Variants in GYPC observed in about 807,000 individuals in gnomAD.
GYPC encodes the protein glycophorin C (Gerbich blood group).
In GYPC, 14 loss-of-function variants were observed where a neutral mutation model predicts 12.6. The observed-to-expected ratio is 1.11, with a 90% confidence interval of 0.74 to 1.74. GYPC has a LOEUF of 1.74. Ranked by LOEUF, GYPC falls within the 40% of genes most tolerant of loss-of-function variation. The pLI is 0.00. For synonymous variants in GYPC, 78 were observed against 62.1 expected, an observed-to-expected ratio of 1.26 and a Z score of -1.20; for missense variants, 225 against 172.1, an observed-to-expected ratio of 1.31 and a Z score of -1.72.
intron 1 of GYPC, among the ~76,000 whole-genome samples, chr2:126,671,672 A>C (rs1055767667): frequency 6.6e-6 from 1 of 152,208 alleles, no homozygotes. Context: ...CTCAGATTCC[A>C]CAAATGGTCA....
At chr2:126,692,458 A>C (rs181097599) in intron 2 of GYPC, among the ~76,000 whole-genome samples, 1 of 152,314 alleles carries the variant, frequency 6.6e-6, no homozygotes, top group African/African-American at 2.4e-5. Flanking sequence ...TCATAGCACT[A>C]TAATTAAAGT....
At chr2:126,659,837 A>C (rs1682483866) in intron 1 of GYPC, among the ~76,000 whole-genome samples, 1 of 138,510 alleles carries the variant, frequency 7.2e-6, no homozygotes, top group East Asian at 2.1e-4. Flanking sequence ...GCTGGAGTGC[A>C]GTGGTGTGAT....
chr2:126,687,594 T>C (rs1683327133), intron 1 of GYPC, among the ~76,000 whole-genome samples: 1 of 152,168 alleles, frequency 6.6e-6, no homozygotes, highest in Admixed American at 6.5e-5. Context: ...GAAACATGTG[T>C]AAATTCAGCT....
chr2:126,686,475 C>A (rs1683292580), intron 1 of GYPC: 1 of 985,418 alleles, frequency 1.0e-6, no homozygotes, highest in Non-Finnish European at 1.2e-6. Context: ...TGAAAAGCCA[C>A]TCCCAACTCC....
At chr2:126,672,838 T>C (rs1682887743) in intron 1 of GYPC, among the ~76,000 whole-genome samples, 1 of 152,214 alleles carries the variant, frequency 6.6e-6, no homozygotes, top group East Asian at 1.9e-4. Flanking sequence ...CCACCCACAC[T>C]TCCCTGGCAC....
At chr2:126,661,891 C>G (rs1457797461) in intron 1 of GYPC, among the ~76,000 whole-genome samples, 1 of 152,228 alleles carries the variant, frequency 6.6e-6, no homozygotes, top group African/African-American at 2.4e-5. Flanking sequence ...CAGCCCTGGG[C>G]AGGGTGGCCT....
intron 1 of GYPC, among the ~76,000 whole-genome samples, chr2:126,670,582 G>A (rs1164537969): frequency 6.6e-6 from 1 of 152,186 alleles, no homozygotes; most frequent in Non-Finnish European, 1.5e-5. Flanking sequence ...GATATCGCAT[G>A]GGTCACAGGC....
At chr2:126,661,050 A>G (rs989428796) in intron 1 of GYPC, among the ~76,000 whole-genome samples, 2 of 152,194 alleles carry the variant, frequency 1.3e-5, no homozygotes, top group African/African-American at 4.8e-5. Flanking sequence ...CTTCCAGAAC[A>G]ATGTTCCTAT....
chr2:126,673,741 C>G (rs1682916638), intron 1 of GYPC, among the ~76,000 whole-genome samples: 2 of 152,174 alleles, frequency 1.3e-5, no homozygotes, highest in South Asian at 4.1e-4. Flanking sequence ...CAAATGGTTT[C>G]ATGCTTAAAC....
chr2:126,662,587 G>T lies in GYPC; in HGVS notation c.49+6275G>T, dbSNP rs184344742. 2.9e-4 allele frequency among the ~76,000 whole-genome samples: 44 copies of T among 152,282 alleles called. No individual in the cohort carries two copies. In the East Asian group the frequency reaches 5.4e-3, roughly 19 times the overall value. On this transcript the variant is annotated intron_variant, in intron 1 of 3. Transcript: ENST00000259254. ...ACAGGGATGGGACCTGCCCAGCAGG[G>T]TCCCGCACTTCCTAGGTTTAATGCT...
At chr2:126,675,598 T>G (rs1682975777) in intron 1 of GYPC, 1 of 621,546 alleles carries the variant, frequency 1.6e-6, no homozygotes, top group African/African-American at 2.0e-5. Flanking sequence ...CAATGGGCTC[T>G]CCTTTCCATC....
At chr2:126,664,280 G>A (rs2104772799) in intron 1 of GYPC, among the ~76,000 whole-genome samples, 1 of 151,758 alleles carries the variant, frequency 6.6e-6, no homozygotes, top group East Asian at 1.9e-4. Context: ...CAGTAGCCCT[G>A]TCTCAGAGAG....
At chr2:126,669,566 T>C (rs1277023271) in intron 1 of GYPC, among the ~76,000 whole-genome samples, 1 of 152,228 alleles carries the variant, frequency 6.6e-6, no homozygotes, top group Non-Finnish European at 1.5e-5. Context: ...TAATTCGCCC[T>C]GGGTCATTTC....
chr2:126,656,341 G>A (rs758375994), intron 1 of GYPC, 29 bp downstream of exon 1: 8 of 1,563,378 alleles, frequency 5.1e-6, no homozygotes, highest in East Asian at 4.7e-5. Flanking sequence ...GAAGGGTCCT[G>A]GGGACCCACT....
At chr2:126,677,480 CGT>C (rs1683030623) in intron 1 of GYPC, among the ~76,000 whole-genome samples, 2 of 110,536 alleles carry the variant, frequency 1.8e-5, no homozygotes, top group African/African-American at 9.0e-5. Flanking sequence ...TGTGTGAGCA[CGT>C]GTGAGTCTGA....
chr2:126,664,401 A>T (rs927048709), intron 1 of GYPC, among the ~76,000 whole-genome samples: 24 of 152,168 alleles, frequency 1.6e-4, no homozygotes, highest in South Asian at 2.1e-4. Flanking sequence ...TAGCAAGTGG[A>T]TGTGACTTCC....
intron 1 of GYPC, among the ~76,000 whole-genome samples, chr2:126,662,990 C>T (rs1343320898): frequency 6.6e-6 from 1 of 152,148 alleles, no homozygotes; most frequent in Non-Finnish European, 1.5e-5. Flanking sequence ...CCCACAGAGA[C>T]CAGGGAAAGG....
chr2:126,692,565 T>G (rs1302836723), intron 2 of GYPC, among the ~76,000 whole-genome samples: 1 of 152,198 alleles, frequency 6.6e-6, no homozygotes, highest in African/African-American at 2.4e-5. Flanking sequence ...ATGTTAACAC[T>G]GATATTTCTG....
At chr2:126,674,457 G>T (rs550042844) in intron 1 of GYPC, among the ~76,000 whole-genome samples, 12 of 63,832 alleles carry the variant, frequency 1.9e-4, no homozygotes, top group East Asian at 6.5e-4. Context: ...GAAACAAGTG[G>T]GGGGGGAATA....
Sources: allele counts gnomAD v4.1 joint callset (sites outside exome capture counted in the v4.1 genomes callset), GRCh38; gene constraint gnomAD v4.1.1; transcripts MANE v1.5; gene names NCBI Gene and HGNC (gene_info 2026-07-23, HGNC 2026-07-21).